RBFOX2: variants seen among roughly 807,000 people sequenced by gnomAD.
RBFOX2 encodes the protein RNA binding protein fox-1 homolog 2.
In RBFOX2, 10 loss-of-function variants were observed where a neutral mutation model predicts 49.1. The observed-to-expected ratio is 0.20, with a 90% CI of 0.13 to 0.35. The LOEUF (loss-of-function observed/expected upper bound fraction) is 0.35. RBFOX2 is among the 10% of genes least tolerant of loss of function. The pLI is 1.00. For synonymous variants in RBFOX2, 183 were observed against 187.4 expected, an observed-to-expected ratio of 0.98 and a Z score of 0.19; for missense variants, 323 against 486.9, an observed-to-expected ratio of 0.66 and a Z score of 3.17.
intron 4 of RBFOX2, among the ~76,000 whole-genome samples, chr22:35,775,683 T>C (rs1049565380): frequency 9.2e-5 from 14 of 151,546 alleles, no homozygotes; most frequent in Non-Finnish European, 1.5e-4. Context: ...GTACTAAAAA[T>C]ACCAAAAATT....
At chr22:35,794,830 G>A (rs1384898493) in intron 2 of RBFOX2, among the ~76,000 whole-genome samples, 1 of 152,048 alleles carries the variant, frequency 6.6e-6, no homozygotes, top group African/African-American at 2.4e-5. Flanking sequence ...GAGCAGTAAG[G>A]GGCAGCGGAG....
intron 1 of RBFOX2, among the ~76,000 whole-genome samples, chr22:35,851,830 CAA>C (rs767671559): frequency 1.4e-4 from 16 of 113,098 alleles, no homozygotes; most frequent in Middle Eastern, 4.6e-3. Context: ...AACTCCATCT[CAA>C]AAAAAAAAAA....
chr22:35,746,730 A>G (rs745494035), intron 9 of RBFOX2, 169 bp from the exon 12 acceptor site: 1 of 408,356 alleles, frequency 2.4e-6, no homozygotes, highest in Non-Finnish European at 4.3e-6. Context: ...TCTGCATGTT[A>G]TTATTCCTCC....
chr22:35,966,302 T>C (rs1463600050), upstream of RBFOX2, among the ~76,000 whole-genome samples: 1 of 152,228 alleles, frequency 6.6e-6, no homozygotes, highest in Non-Finnish European at 1.5e-5. Flanking sequence ...TAAAAATCCT[T>C]GCACATGTCT....
intron 1 of RBFOX2, among the ~76,000 whole-genome samples, chr22:35,816,187 T>C (rs1952995226): frequency 6.6e-6 from 1 of 152,226 alleles, no homozygotes; most frequent in African/African-American, 2.4e-5. Context: ...AAAATTACTC[T>C]AGATTCTTAA....
chr22:35,952,626 T>C (rs1056835102), intron 1 of RBFOX2, among the ~76,000 whole-genome samples: 2 of 152,214 alleles, frequency 1.3e-5, no homozygotes, highest in South Asian at 4.1e-4. Flanking sequence ...CAGCAAAATC[T>C]GAGATACAGA....
intron 1 of RBFOX2, among the ~76,000 whole-genome samples, chr22:36,024,990 G>A (rs1190968011): frequency 1.3e-5 from 2 of 151,666 alleles, no homozygotes; most frequent in Non-Finnish European, 2.9e-5. Context: ...TGTATTTTTA[G>A]TAGAGACGGG....
At chr22:35,987,773 G>A (rs1465849949) in intron 1 of RBFOX2, among the ~76,000 whole-genome samples, 1 of 152,126 alleles carries the variant, frequency 6.6e-6, no homozygotes, top group African/African-American at 2.4e-5. Context: ...GGGTTCATAA[G>A]GCAAGCTCCC....
chr22:35,945,566 G>A (rs577366487), intron 1 of RBFOX2, among the ~76,000 whole-genome samples: 1 of 152,136 alleles, frequency 6.6e-6, no homozygotes, highest in African/African-American at 2.4e-5. Context: ...CCAGCCTCCT[G>A]AGTAGCTGGG....
rs1389530689 is a variant in RBFOX2, at chr22:35,920,290, A to G, written c.-34+18557T>C. ...AATAAATAATAACTGCTATTTATGGAAGTCTTATGCCCAGTTTTTCTCATG... is the reference window on the plus strand; with the variant it reads ...AATAAATAATAACTGCTATTTATGGGAGTCTTATGCCCAGTTTTTCTCATG... On this transcript the variant is annotated intron_variant, in intron 1 of 13. Transcript: ENST00000359369. 2.0e-5 allele frequency among the ~76,000 whole-genome samples: 3 copies of G among 152,300 alleles called. No homozygotes were observed. The East Asian group carries it at 5.8e-4, about 29-fold the overall frequency.
intron 6 of RBFOX2, among the ~76,000 whole-genome samples, chr22:35,764,322 C>T (rs968988228): frequency 2.0e-5 from 3 of 152,164 alleles, no homozygotes; most frequent in African/African-American, 7.2e-5. Context: ...TGGTGGCTCA[C>T]GCCTGTAATC....
At chr22:36,023,815 T>A (rs1052039329) in intron 1 of RBFOX2, among the ~76,000 whole-genome samples, 6 of 152,188 alleles carry the variant, frequency 3.9e-5, no homozygotes, top group African/African-American at 1.4e-4. Context: ...TCCACCTACA[T>A]CAAGTTTCTG....
At chr22:35,770,757 C>T (rs1942432444) in intron 4 of RBFOX2, among the ~76,000 whole-genome samples, 1 of 152,276 alleles carries the variant, frequency 6.6e-6, no homozygotes, top group African/African-American at 2.4e-5. Flanking sequence ...ATGATGAGCA[C>T]TGCAATTTCA....
intron 1 of RBFOX2, among the ~76,000 whole-genome samples, chr22:35,913,908 G>A (rs910660143): frequency 6.6e-6 from 1 of 152,106 alleles, no homozygotes; most frequent in South Asian, 2.1e-4. Context: ...TCTTTATGGA[G>A]GAAGGAGAAA....
intron 2 of RBFOX2, among the ~76,000 whole-genome samples, chr22:35,790,141 A>C (rs1327700223): frequency 6.6e-6 from 1 of 152,232 alleles, no homozygotes; most frequent in African/African-American, 2.4e-5. Context: ...CTATTTAATA[A>C]AATCTTATAG....
intron 1 of RBFOX2, among the ~76,000 whole-genome samples, chr22:35,915,958 CTT>C (rs1295717680): frequency 3.3e-5 from 5 of 152,206 alleles, no homozygotes; most frequent in Non-Finnish European, 5.9e-5. Flanking sequence ...TATGCCTCCT[CTT>C]TGTCTCTATT....
At chr22:35,876,701 A>AACACAT (rs1556293837) in intron 1 of RBFOX2, among the ~76,000 whole-genome samples, 1 of 140,458 alleles carries the variant, frequency 7.1e-6, no homozygotes, top group African/African-American at 2.6e-5. Flanking sequence ...CATTAAAAGA[A>AACACAT]ACACACACAC....
intron 1 of RBFOX2, among the ~76,000 whole-genome samples, chr22:35,849,278 C>T (rs2041598045): frequency 6.9e-6 from 1 of 144,076 alleles, no homozygotes. Flanking sequence ...TCAAAACACA[C>T]ACACACACAT....
chr22:35,981,700 A>T, intron 1 of RBFOX2, among the ~76,000 whole-genome samples: 1 of 152,122 alleles, frequency 6.6e-6, no homozygotes, highest in African/African-American at 2.4e-5. Flanking sequence ...ACCAAAGTTA[A>T]TTTTAGCTTC....
Sources: gnomAD v4.1 joint callset for allele counts (sites outside exome capture counted in the v4.1 genomes callset) on GRCh38, gnomAD v4.1.1 for gene constraint, MANE v1.5 for transcripts, NCBI Gene and HGNC (gene_info 2026-07-23, HGNC 2026-07-21) for gene names.